Variants in TCF20 observed in about 807,000 individuals in gnomAD.
The protein encoded by TCF20 is transcription factor 20.
A neutral mutation model predicts 148.6 loss-of-function variants in TCF20; 3 were observed. That is an observed-to-expected ratio of 0.02 (90% CI 0.01 to 0.05). The LOEUF is 0.05. Ranked by LOEUF, TCF20 falls within the 10% of genes least tolerant of loss-of-function variation. TCF20 has a pLI of 1.00. For synonymous variants in TCF20, 1,049 were observed against 909.5 expected (o/e 1.15, Z -2.76); for missense variants, 2,350 against 2,429.3 (o/e 0.97, Z 0.69).
chr22:42,277,145 C>T (rs1926797807), intron 1 of TCF20: 1 of 152,226 alleles, frequency 6.6e-6, no homozygotes, highest in Non-Finnish European at 1.5e-5. Context: ...CCTGTCTGCT[C>T]CCTGCAGCAG....
chr22:42,233,478 C>T (rs1010097516), intron 1 of TCF20, among the ~76,000 whole-genome samples: 3 of 152,212 alleles, frequency 2.0e-5, no homozygotes, highest in Non-Finnish European at 2.9e-5. Flanking sequence ...GGTCCTTCTG[C>T]GTGAATAATA....
Position 42,211,311 on chromosome 22 carries a change from G to C in TCF20, c.3995C>G (p.Thr1332Ser). ...TTTGGTCTTAGCAGGGCTTGTGAGGGTAACAGCAGGGCAGTTTCTACTATC... is the reference window on the plus strand; with the variant it reads ...TTTGGTCTTAGCAGGGCTTGTGAGGCTAACAGCAGGGCAGTTTCTACTATC... ...SPDSRNCPAVTLTSPAKTKIL... is the reference protein window; with the variant it reads ...SPDSRNCPAVSLTSPAKTKIL... The change falls in exon 2 of 6, where the codon ACC becomes AGC. Residue 1332 changes from threonine to serine, a missense_variant. Around this residue, in one of 7 missense-constraint regions of TCF20, gnomAD observed 1,641 missense variants for 1,662.6 expected, o/e 0.99. Coordinates refer to ENST00000677622, the MANE Select transcript of TCF20 (RefSeq NM_001378418.1). 1 of 1,614,210 alleles carries C rather than the reference G, an allele frequency of 6.2e-7. No individual in the cohort carries two copies. The highest frequency in any genetic ancestry group is 8.5e-7 in the Non-Finnish European group (1 of 1,180,032).
rs779660896 is a variant in TCF20, at chr22:42,211,300, G to T, written c.4006C>A (p.Pro1336Thr). The T allele has an allele frequency of 3.1e-6, 5 of 1,614,146 alleles. No homozygotes were observed. The highest frequency in any genetic ancestry group is 4.2e-6 in the Non-Finnish European group (5 of 1,180,036). ...GGGGGCAGTATTTTGGTCTTAGCAG[G>T]GCTTGTGAGGGTAACAGCAGGGCAG... ...RNCPAVTLTS[P>T]AKTKILPPRK... The change falls in exon 2 of 6, where the codon CCT becomes ACT. Residue 1336 changes from proline to threonine, a missense_variant. Physicochemically the swap from Pro to Thr is conservative, Grantham distance 38. Transcript: ENST00000677622.
intron 1 of TCF20, among the ~76,000 whole-genome samples, chr22:42,294,393 T>C (rs1400162806): frequency 6.6e-6 from 1 of 152,162 alleles, no homozygotes; most frequent in African/African-American, 2.4e-5. Context: ...AGGTTTTTAA[T>C]TACCAGACTG....
chr22:42,240,948 C>T (rs868085326), intron 1 of TCF20, among the ~76,000 whole-genome samples: 2 of 152,098 alleles, frequency 1.3e-5, no homozygotes, highest in Non-Finnish European at 2.9e-5. Flanking sequence ...CTCCGCCTCC[C>T]GGGTTCATAC....
intron 2 of TCF20, among the ~76,000 whole-genome samples, chr22:42,187,581 T>C (rs1362556095): frequency 6.6e-6 from 1 of 152,218 alleles, no homozygotes; most frequent in African/African-American, 2.4e-5. Flanking sequence ...ATCTAACAGC[T>C]ACATCCTTGG....
Position 42,292,379 on chromosome 22 carries a change from C to A in TCF20, c.-37+51100G>T, listed in dbSNP as rs1314228063. Among the ~76,000 whole-genome samples, 1 of 152,188 alleles carries A rather than the reference C, an allele frequency of 6.6e-6. No individual in the cohort carries two copies. The highest frequency in any genetic ancestry group is 1.5e-5 in the Non-Finnish European group (1 of 68,020). On this transcript the variant is annotated intron_variant, in intron 1 of 1. Coordinates refer to the TCF20 transcript ENST00000515426. This position sits in a 1 kb window ranked among gnomAD's most constrained non-coding sequence, Gnocchi z 4.9. ...ATGCCACAGAAGGAGCCCTTTCTGG[C>A]CTCATCCTGCCCTGCAGTCCCCAAA... is the stretch of plus-strand genomic sequence containing the variant.
intron 1 of TCF20, among the ~76,000 whole-genome samples, chr22:42,331,045 G>A (rs958818566): frequency 7.9e-5 from 12 of 152,366 alleles, no homozygotes; most frequent in South Asian, 2.1e-4. Flanking sequence ...GGGCTGGGGC[G>A]GTCCTGGGCA....
chr22:42,253,715 G>C lies in TCF20; in HGVS notation c.-37+16624C>G, dbSNP rs1056414020. ...TTCCTTGAAAAGCTGAACAAAATAA[G>C]TTTAGTAAAAACAAGTAATAAATTT... On this transcript the variant is annotated intron_variant, in intron 1 of 5. Coordinates refer to ENST00000677622, the MANE Select transcript of TCF20 (RefSeq NM_001378418.1). Among the ~76,000 whole-genome samples, 3 of 152,232 alleles carry C rather than the reference G, an allele frequency of 2.0e-5. No individual in the cohort carries two copies. In the South Asian group the frequency reaches 6.2e-4, roughly 32 times the overall value.
intron 1 of TCF20, among the ~76,000 whole-genome samples, chr22:42,325,038 A>T (rs5758709): frequency 6.6e-6 from 1 of 152,194 alleles, no homozygotes; most frequent in East Asian, 1.9e-4. Flanking sequence ...TTGTCTTCCC[A>T]CCCTGCTGGG....
At chr22:42,291,368 G>A (rs1329262556) in intron 1 of TCF20, among the ~76,000 whole-genome samples, 1 of 152,186 alleles carries the variant, frequency 6.6e-6, no homozygotes, top group Non-Finnish European at 1.5e-5. Flanking sequence ...TCCCTGAGGA[G>A]AGGGCAGTGT....
chr22:42,174,795 G>C (rs764264913), intron 3 of TCF20, among the ~76,000 whole-genome samples: 3 of 151,952 alleles, frequency 2.0e-5, no homozygotes, highest in Non-Finnish European at 2.9e-5. Context: ...CAGCACTTTG[G>C]GGGGCCAAGG....
At chr22:42,222,139 T>A (rs975872828) in intron 1 of TCF20, among the ~76,000 whole-genome samples, 7 of 152,206 alleles carry the variant, frequency 4.6e-5, no homozygotes, top group Non-Finnish European at 8.8e-5. Flanking sequence ...CACTTGTGAC[T>A]GTAATCATTT....
upstream of TCF20, among the ~76,000 whole-genome samples, chr22:42,273,450 G>A (rs901119406): frequency 6.8e-6 from 1 of 147,326 alleles, no homozygotes; most frequent in African/African-American, 2.5e-5. Flanking sequence ...GACACAAAAG[G>A]ACATGAGTAG....
intron 1 of TCF20, among the ~76,000 whole-genome samples, chr22:42,282,316 G>A (rs1374015093): frequency 6.6e-6 from 1 of 152,212 alleles, no homozygotes; most frequent in African/African-American, 2.4e-5. Context: ...GACCACCTGC[G>A]CCCATGTCAC....
chr22:42,175,607 G>A (rs556522098), intron 3 of TCF20, among the ~76,000 whole-genome samples: 1 of 152,122 alleles, frequency 6.6e-6, no homozygotes, highest in South Asian at 2.1e-4. Context: ...CCAAAGTGAT[G>A]GGATTACAGG....
chr22:42,272,583 G>A (rs1046875618), upstream of TCF20, among the ~76,000 whole-genome samples: 4 of 152,298 alleles, frequency 2.6e-5, no homozygotes, highest in Admixed American at 2.0e-4. Flanking sequence ...CCAGGCGCCT[G>A]TCAGCTCCTG....
chr22:42,165,776 G>A (rs992197434), intron 5 of TCF20, among the ~76,000 whole-genome samples: 5 of 152,216 alleles, frequency 3.3e-5, no homozygotes, highest in Admixed American at 3.3e-4. Flanking sequence ...GGCACTTAGA[G>A]ACATTTCCCA....
intron 2 of TCF20, among the ~76,000 whole-genome samples, chr22:42,181,657 G>T (rs1315626543): frequency 6.6e-6 from 1 of 150,632 alleles, no homozygotes. Context: ...ACCCAGGATG[G>T]AGTGCAGTGG....
Sources: gnomAD v4.1 joint callset for allele counts (sites outside exome capture counted in the v4.1 genomes callset) on GRCh38, gnomAD v4.1.1 for gene constraint, gnomAD v4.1.1 regional missense constraint, Gnocchi (gnomAD v3.1) non-coding constraint, MANE v1.5 for transcripts, NCBI Gene and HGNC (gene_info 2026-07-23, HGNC 2026-07-21) for gene names.